The following CNTN6 variants were observed in gnomAD, a reference collection of about 807,000 sequenced individuals.
CNTN6 encodes the protein contactin 6.
CNTN6 carries 137 observed loss-of-function variants against 122.8 expected under a neutral mutation model. The observed-to-expected ratio is 1.12, with a 90% CI of 0.97 to 1.29. The LOEUF (loss-of-function observed/expected upper bound fraction) is 1.29, where lower values mean the gene tolerates loss of function less well. Among genes scored for constraint, CNTN6 ranks in the 50% most tolerant of loss-of-function variants. The pLI, the probability that CNTN6 is intolerant of heterozygous loss-of-function variation, is 0.00. For synonymous variants in CNTN6, 570 were observed against 426.0 expected, an observed-to-expected ratio of 1.34 and a Z score of -4.16; for missense variants, 1,634 against 1,223.4, an observed-to-expected ratio of 1.34 and a Z score of -5.01.
Position 1,157,052 on chromosome 3 carries a change from G to C in CNTN6, c.55+8989G>C, listed in dbSNP as rs139970195. ...TTATTTTTAATTTTAATTTTTCTGT[G>C]TACATAGTAGGTGTATATATTTATG... is the stretch of plus-strand genomic sequence containing the variant. On this transcript the variant is annotated intron_variant, in intron 2 of 22. Transcript: ENST00000446702. Among the ~76,000 whole-genome samples, 450 of 150,180 alleles carry C rather than the reference G, an allele frequency of 3.0e-3. 3 individuals carry two copies. The highest frequency in any genetic ancestry group is 0.011 in the African/African-American group (434 of 40,934).
At chr3:1,149,973 A>G (rs1353061464) in intron 2 of CNTN6, among the ~76,000 whole-genome samples, 2 of 150,716 alleles carry the variant, frequency 1.3e-5, no homozygotes, top group South Asian at 2.1e-4. Context: ...ATGTGATTCA[A>G]CATGTCCTGT....
chr3:1,119,029 A>G (rs1363951291), intron 1 of CNTN6, among the ~76,000 whole-genome samples: 1 of 152,154 alleles, frequency 6.6e-6, no homozygotes, highest in African/African-American at 2.4e-5. Flanking sequence ...TCCATCTCCC[A>G]TCTTTCTAAC....
At chr3:1,387,787 A>T (rs149328184) in intron 20 of CNTN6, among the ~76,000 whole-genome samples, 8,672 of 152,158 alleles carry the variant, frequency 0.057, 290 homozygotes, top group African/African-American at 0.093. Flanking sequence ...TTCCAAGTCA[A>T]AGAAAGGGGT....
intron 1 of CNTN6, among the ~76,000 whole-genome samples, chr3:1,121,638 G>T (rs2091953656): frequency 6.6e-6 from 1 of 151,772 alleles, no homozygotes; most frequent in African/African-American, 2.4e-5. Context: ...CTACAGAAAT[G>T]GTTTGCCTTT....
intron 1 of CNTN6, among the ~76,000 whole-genome samples, chr3:1,111,529 C>T (rs2091479884): frequency 6.6e-6 from 1 of 152,124 alleles, no homozygotes; most frequent in African/African-American, 2.4e-5. Context: ...AAAATTAACG[C>T]ATTTTACCAC....
At chr3:1,280,556 C>T (rs942242986) in intron 5 of CNTN6, among the ~76,000 whole-genome samples, 5 of 143,640 alleles carry the variant, frequency 3.5e-5, no homozygotes, top group Non-Finnish European at 6.0e-5. Context: ...CCTCTGCCTC[C>T]TGGGTTCAAG....
At chr3:1,391,572 A>T (rs1378748111) in intron 20 of CNTN6, among the ~76,000 whole-genome samples, 1 of 147,268 alleles carries the variant, frequency 6.8e-6, no homozygotes, top group African/African-American at 2.6e-5. Context: ...AGGCAGGAGA[A>T]GGAAATAAAG....
chr3:1,212,496 CATGTGTGTATAT>C (rs1469001589), intron 2 of CNTN6, among the ~76,000 whole-genome samples: 1 of 119,924 alleles, frequency 8.3e-6, no homozygotes, highest in Non-Finnish European at 1.7e-5. Context: ...TATATATATA[CATGTGTGTATAT>C]ATATACATAT....
chr3:1,249,308 A>G lies in CNTN6; in HGVS notation c.358+21315A>G, dbSNP rs552733329. ...TGCATCCAAACAATGCATATTTATT[A>G]AGCACCTACCATATGTGTCAAACAT... On this transcript the variant is annotated intron_variant, in intron 4 of 22. Transcript: ENST00000446702. Among the ~76,000 whole-genome samples, 15 of 152,308 alleles carry G rather than the reference A, an allele frequency of 9.8e-5. No homozygotes were observed. The East Asian group carries it at 2.9e-3, about 29-fold the overall frequency.
At position 1,329,816 on chromosome 3, in the gene CNTN6, TAAAA is replaced by T; in HGVS notation, c.1250_1253del (p.Lys417SerfsTer63). 1 of 1,605,440 alleles carries T rather than the reference TAAAA, an allele frequency of 6.2e-7. No homozygotes were observed. The highest frequency in any genetic ancestry group is 8.5e-7 in the Non-Finnish European group (1 of 1,176,612). On this transcript the variant is annotated frameshift_variant, in exon 11 of 23. Coordinates refer to ENST00000446702, the MANE Select transcript of CNTN6 (RefSeq NM_001289080.2). LOFTEE classifies it high-confidence loss of function. ...CTCCAGATTTCTCCAAAAGTCCAGT[TAAAA>T]AAAAGTCTTTTGTTCAAGTTGGTGG...
At chr3:1,131,841 C>A (rs1243969939) in intron 1 of CNTN6, among the ~76,000 whole-genome samples, 1 of 151,946 alleles carries the variant, frequency 6.6e-6, no homozygotes, top group East Asian at 1.9e-4. Flanking sequence ...ACTTGGAGTG[C>A]CTGCGGGATG....
intron 7 of CNTN6, among the ~76,000 whole-genome samples, chr3:1,302,038 G>A (rs1575614458): frequency 6.6e-6 from 1 of 151,962 alleles, no homozygotes; most frequent in East Asian, 1.9e-4. Context: ...AAGCATAAAA[G>A]GCGACACACT....
rs1479468984 is a variant in CNTN6, at chr3:1,220,824, A to G, written c.182+11A>G. ...TTCGCCTCATTATAGGTAAAATCCT[A>G]CCTGTGGGCACCACACTATTTTGTT... On this transcript the variant is annotated intron_variant, in intron 3 of 22. Coordinates refer to ENST00000446702, the MANE Select transcript of CNTN6 (RefSeq NM_001289080.2). 1 of 1,585,946 alleles carries G rather than the reference A, an allele frequency of 6.3e-7. No individual in the cohort carries two copies.
intron 4 of CNTN6, among the ~76,000 whole-genome samples, chr3:1,257,960 G>A (rs561456475): frequency 1.3e-5 from 2 of 152,146 alleles, no homozygotes; most frequent in Non-Finnish European, 2.9e-5. Context: ...GAAAGTGAGT[G>A]AGGAACTGCC....
intron 5 of CNTN6, among the ~76,000 whole-genome samples, chr3:1,294,584 A>T (rs190684655): frequency 1.2e-4 from 19 of 152,292 alleles, no homozygotes; most frequent in Admixed American, 1.2e-3. Context: ...TATGTCATTT[A>T]TACAGTTACC....
intron 1 of CNTN6, among the ~76,000 whole-genome samples, chr3:1,138,856 T>C (rs913214531): frequency 2.0e-5 from 3 of 152,040 alleles, no homozygotes; most frequent in African/African-American, 7.2e-5. Flanking sequence ...ATATGTTATA[T>C]CTATTTGTAT....
intron 2 of CNTN6, among the ~76,000 whole-genome samples, chr3:1,197,369 G>C (rs2093792883): frequency 6.6e-6 from 1 of 152,202 alleles, no homozygotes; most frequent in Non-Finnish European, 1.5e-5. Context: ...GGCAGCAATT[G>C]TAAGCACAGC....
chr3:1,187,095 T>TA (rs2125365593), intron 2 of CNTN6, among the ~76,000 whole-genome samples: 1 of 152,300 alleles, frequency 6.6e-6, no homozygotes, highest in South Asian at 2.1e-4. Flanking sequence ...TAGAATGGCT[T>TA]GCGAAAAGCC....
At chr3:1,388,482 T>G (rs1217249292) in intron 20 of CNTN6, among the ~76,000 whole-genome samples, 1 of 151,400 alleles carries the variant, frequency 6.6e-6, no homozygotes, top group Non-Finnish European at 1.5e-5. Context: ...ACAGAAAAAC[T>G]GGAAACTCTA....
Sources: gnomAD v4.1 joint callset for allele counts (sites outside exome capture counted in the v4.1 genomes callset) on GRCh38, gnomAD v4.1.1 for gene constraint, MANE v1.5 for transcripts, NCBI Gene and HGNC (gene_info 2026-07-23, HGNC 2026-07-21) for gene names.